Variants in ACOXL observed in about 807,000 individuals in gnomAD.
ACOXL encodes acyl-CoA oxidase like.
ACOXL carries 70 observed loss-of-function variants against 71.9 expected under a neutral mutation model. That is an observed-to-expected ratio of 0.97 (90% CI 0.80 to 1.19). The LOEUF is 1.19. Ranked by LOEUF, ACOXL falls within the 50% of genes most tolerant of loss-of-function variation. The pLI, the probability that ACOXL is intolerant of heterozygous loss-of-function variation, is 0.00. For missense variants in ACOXL, 703 were observed against 736.3 expected (o/e 0.95, Z 0.52); for synonymous variants, 253 against 281.6 (o/e 0.90, Z 1.02).
At chr2:110,808,815 C>T (rs945446799) in intron 9 of ACOXL, among the ~76,000 whole-genome samples, 8 of 152,234 alleles carry the variant, frequency 5.3e-5, no homozygotes, top group African/African-American at 1.9e-4. Flanking sequence ...TGTATTACAA[C>T]TCATGAGTGT....
At chr2:110,980,447 C>G (rs924976191) in intron 12 of ACOXL, among the ~76,000 whole-genome samples, 72 of 152,134 alleles carry the variant, frequency 4.7e-4, no homozygotes, top group African/African-American at 1.6e-3. Context: ...GAAGAAGAGA[C>G]CCCAAGAAGG....
intron 10 of ACOXL, among the ~76,000 whole-genome samples, chr2:110,872,477 G>A (rs991887574): frequency 5.3e-5 from 8 of 152,358 alleles, no homozygotes; most frequent in East Asian, 3.9e-4. Flanking sequence ...CCAGGTGTCC[G>A]TCTCCTGGGG....
intron 3 of ACOXL, among the ~76,000 whole-genome samples, chr2:110,790,127 G>T (rs753025974): frequency 1.3e-5 from 2 of 152,144 alleles, no homozygotes; most frequent in Admixed American, 6.5e-5. Flanking sequence ...AAGGATCCCC[G>T]TGCCAAACCT....
At chr2:111,036,693 C>G (rs1317056784) in intron 15 of ACOXL, 2 of 152,186 alleles carry the variant, frequency 1.3e-5, no homozygotes, top group Admixed American at 1.3e-4. Context: ...CGAGGGAGTC[C>G]AGGGACACTG....
chr2:111,020,745 C>G (rs1465439880), intron 14 of ACOXL, among the ~76,000 whole-genome samples: 2 of 152,194 alleles, frequency 1.3e-5, no homozygotes, highest in African/African-American at 2.4e-5. Flanking sequence ...TGCAGCTGTG[C>G]TGAACCAGCT....
chr2:111,031,823 C>A, intron 15 of ACOXL, 109 bp downstream of exon 15: 1 of 1,129,874 alleles, frequency 8.9e-7, no homozygotes, highest in African/African-American at 1.5e-5. Flanking sequence ...AGGGAAGGGA[C>A]AGTCCGTGTG....
At chr2:110,999,365 A>G (rs1036422666) in intron 14 of ACOXL, among the ~76,000 whole-genome samples, 2 of 152,206 alleles carry the variant, frequency 1.3e-5, no homozygotes, top group African/African-American at 4.8e-5. Context: ...ATCCTGAGGT[A>G]CTAGGAGTTG....
intron 9 of ACOXL, among the ~76,000 whole-genome samples, chr2:110,834,034 C>T (rs558192950): frequency 1.7e-4 from 26 of 152,182 alleles, no homozygotes; most frequent in African/African-American, 5.5e-4. Flanking sequence ...ATTTAATGTC[C>T]CCAAATCCAC....
intron 12 of ACOXL, chr2:110,963,555 C>T (rs1206530052): frequency 2.0e-6 from 3 of 1,537,638 alleles, no homozygotes; most frequent in Non-Finnish European, 2.6e-6. Flanking sequence ...GATGGGATCG[C>T]AAATTTGAAA....
intron 12 of ACOXL, among the ~76,000 whole-genome samples, chr2:110,979,947 G>A (rs2062629149): frequency 6.6e-6 from 1 of 152,190 alleles, no homozygotes; most frequent in Non-Finnish European, 1.5e-5. Context: ...AAATGGCCAT[G>A]GGGGTTATGA....
intron 17 of ACOXL, chr2:111,098,530 T>C (rs1037459799): frequency 6.6e-6 from 1 of 152,116 alleles, no homozygotes; most frequent in Non-Finnish European, 1.5e-5. Flanking sequence ...ACTCAGGAGA[T>C]ATGGTAACTA....
chr2:110,784,868 C>A, intron 3 of ACOXL, 53 bp downstream of exon 3: 1 of 1,500,746 alleles, frequency 6.7e-7, no homozygotes, highest in South Asian at 1.2e-5. Context: ...CTTTGCATGC[C>A]AAGGAATGAA....
chr2:110,834,360 C>T (rs1431488308), intron 9 of ACOXL, among the ~76,000 whole-genome samples: 1 of 152,220 alleles, frequency 6.6e-6, no homozygotes, highest in Admixed American at 6.5e-5. Context: ...GTGGTTTATT[C>T]ATATTATCCG....
chr2:111,034,422 C>T (rs1047572442), intron 15 of ACOXL, among the ~76,000 whole-genome samples: 28 of 152,074 alleles, frequency 1.8e-4, no homozygotes, highest in East Asian at 5.8e-4. Context: ...TCTTCACACC[C>T]GGAGAAAATA....
chr2:111,093,593 A>C (rs868090940), intron 17 of ACOXL: 1 of 1,565,412 alleles, frequency 6.4e-7, no homozygotes, highest in South Asian at 1.1e-5. Flanking sequence ...GGCCAGGTGC[A>C]GTGGCTCATG....
intron 9 of ACOXL, 139 bp downstream of exon 9, chr2:110,805,534 G>A (rs1686533332): frequency 1.6e-6 from 2 of 1,214,874 alleles, no homozygotes; most frequent in African/African-American, 1.5e-5. Flanking sequence ...ATGCTGGGGA[G>A]TGCCAGGTGG....
intron 1 of ACOXL, among the ~76,000 whole-genome samples, chr2:110,742,147 G>C (rs758465765): frequency 6.6e-6 from 1 of 152,190 alleles, no homozygotes; most frequent in Non-Finnish European, 1.5e-5. Flanking sequence ...AGCTAAAATC[G>C]TGACAGTATG....
chr2:111,054,172 A>G (rs2149849123), intron 16 of ACOXL, among the ~76,000 whole-genome samples: 1 of 152,312 alleles, frequency 6.6e-6, no homozygotes, highest in African/African-American at 2.4e-5. Context: ...GATATCTACC[A>G]CATTTATGGC....
intron 15 of ACOXL, among the ~76,000 whole-genome samples, chr2:111,045,153 T>C (rs990791453): frequency 6.6e-6 from 1 of 152,248 alleles, no homozygotes; most frequent in African/African-American, 2.4e-5. Flanking sequence ...GGGAGACTCA[T>C]GCCCCAGGGA....
Sources: allele counts gnomAD v4.1 joint callset (sites outside exome capture counted in the v4.1 genomes callset), GRCh38; gene constraint gnomAD v4.1.1; transcripts MANE v1.5; gene names NCBI Gene and HGNC (gene_info 2026-07-23, HGNC 2026-07-21).